SFR1: variants seen among roughly 807,000 people sequenced by gnomAD.
The protein encoded by SFR1 is swi5-dependent recombination DNA repair protein 1 homolog.
In SFR1, 24 loss-of-function variants were observed where a neutral mutation model predicts 26.2. The observed-to-expected ratio is 0.92, with a 90% confidence interval of 0.66 to 1.29. The LOEUF (loss-of-function observed/expected upper bound fraction) is 1.29. Among genes scored for constraint, SFR1 ranks in the 50% most tolerant of loss-of-function variants. SFR1 has a pLI of 0.00. For missense variants in SFR1, 276 were observed against 270.2 expected (o/e 1.02, Z -0.15); for synonymous variants, 77 against 96.6 (o/e 0.80, Z 1.19).
Position 104,122,816 on chromosome 10 carries a change from A to G in SFR1, c.14-149A>G, listed in dbSNP as rs775739245. The G allele has an allele frequency of 1.1e-5, 17 of 1,530,432 alleles. No homozygotes were observed. In the South Asian group the frequency reaches 1.7e-4, roughly 15 times the overall value. 94.8% of individuals were successfully genotyped at this position (1,530,432 alleles called of 1,614,324 possible). A position where few individuals can be genotyped will look rare whatever the true frequency, so the allele number is the denominator to read the frequency against. ...GGGAAGGTAAATGGAAAACTGCAAA[A>G]AGAGCAAGAATGAATTACAAAGTGA... On this transcript the variant is annotated intron_variant, in intron 1 of 3. Transcript: ENST00000369727.
At chr10:104,121,463 C>G (rs72823941), upstream of SFR1, among the ~76,000 whole-genome samples, 511 of 152,198 alleles carry the variant, frequency 3.4e-3, 3 homozygotes, top group Non-Finnish European at 4.8e-3. Context: ...AAATGTGGAC[C>G]CCAACGCTGG....
intron 3 of SFR1, 114 bp from the exon 4 acceptor site, chr10:104,125,399 T>C (rs1441158094): frequency 9.4e-6 from 7 of 744,788 alleles, no homozygotes; most frequent in Admixed American, 2.9e-5. Context: ...AGAAGTCCCA[T>C]TCATCCCTGT....
At chr10:104,122,073 G>T, upstream of SFR1, 2 of 1,314,318 alleles carry the variant, frequency 1.5e-6, no homozygotes, top group South Asian at 1.3e-5. Flanking sequence ...CGCCTCGCGC[G>T]TCAGGCAATC....
In SFR1 at chr10:104,126,112, G is replaced by A. The variant is rs1388573578; in HGVS notation, c.*408G>A. The A allele has an allele frequency of 6.5e-6, 1 of 152,722 alleles. No individual in the cohort carries two copies. Among genetic ancestry groups the A allele is most frequent in the Non-Finnish European group, 1.5e-5 (1 of 68,194 alleles). 9.5% of individuals were successfully genotyped at this position (152,722 alleles called of 1,614,324 possible). Reference sequence around the variant, plus strand: ...TAAATTATAAACTAAGTTCTAAAAGGAAAATTAGTATTTTGGATAGATTTG... The same window carrying A: ...TAAATTATAAACTAAGTTCTAAAAGAAAAATTAGTATTTTGGATAGATTTG... On this transcript the variant is annotated 3_prime_UTR_variant, in exon 4 of 4. Transcript: ENST00000369727.
intron 1 of SFR1, 183 bp from the exon 2 acceptor site, chr10:104,122,782 T>A: frequency 6.6e-7 from 1 of 1,509,178 alleles, no homozygotes; most frequent in African/African-American, 1.4e-5. Context: ...AACTTAGTGG[T>A]CCCTATGTGG....
chr10:104,124,165 A>G, intron 3 of SFR1, 41 bp downstream of exon 3: 1 of 1,434,668 alleles, frequency 7.0e-7, no homozygotes, highest in African/African-American at 1.5e-5. Context: ...TTTTATTTTT[A>G]CATAAATTAC....
In SFR1 at chr10:104,122,998, G is replaced by A; in HGVS notation, c.47G>A (p.Ser16Asn). The A allele has an allele frequency of 6.2e-7, 1 of 1,613,886 alleles. No individual in the cohort carries two copies. The highest frequency in any genetic ancestry group is 8.5e-7 in the Non-Finnish European group (1 of 1,179,918). Residue 16 changes from serine (S) to asparagine (N), a missense_variant, in exon 2 of 4, where the codon AGT becomes AAT. Ser to Asn is a conservative substitution (Grantham distance 46, BLOSUM62 1). Transcript: ENST00000369727. ...CAAGATTTCACTTTCAAGATGGAAAGTCCGTCAGACTCAGCTGTGGTTTTA... is the reference window on the plus strand; with the variant it reads ...CAAGATTTCACTTTCAAGATGGAAAATCCGTCAGACTCAGCTGTGGTTTTA... ...KNQDFTFKMESPSDSAVVLPS... is the reference protein window; with the variant it reads ...KNQDFTFKMENPSDSAVVLPS...
rs2087019379 is a variant in SFR1, at chr10:104,125,674, C to G, written c.708C>G (p.Asn236Lys). Residue 236 changes from asparagine (N) to lysine (K), a missense_variant, in exon 4 of 4, where the codon AAC becomes AAG. Physicochemically the swap from Asn to Lys is moderately conservative, Grantham distance 94 (BLOSUM62 0). Transcript: ENST00000369727. Reference protein sequence around the residue: ...YGLDDKLLHYNRSEEEFIDV With the variant: ...YGLDDKLLHYKRSEEEFIDV The stretch of plus-strand genomic sequence containing the variant: ...TAGATGATAAATTACTACACTATAA[C>G]AGAAGTGAAGAAGAATTTATAGATG... 1.2e-6 allele frequency: 2 copies of G among 1,600,954 alleles called. No individual in the cohort carries two copies. The highest frequency in any genetic ancestry group is 2.7e-5 in the African/African-American group (2 of 74,284).
chr10:104,124,903 C>G (rs976507797), intron 3 of SFR1, among the ~76,000 whole-genome samples: 1 of 152,120 alleles, frequency 6.6e-6, no homozygotes, highest in African/African-American at 2.4e-5. Flanking sequence ...CTCAAGTGAT[C>G]CTCCCAACTC....
rs748493061 is a variant in SFR1 at position 104,124,023 on chromosome 10, A to C, written c.445A>C (p.Lys149Gln). 6 of 1,613,902 alleles carry C rather than the reference A, an allele frequency of 3.7e-6. No homozygotes were observed. In the East Asian group the frequency reaches 1.1e-4, roughly 30 times the overall value. Residue 149 changes from lysine to glutamine, a missense_variant, in exon 3 of 4, where the codon AAA (lysine) becomes CAA (glutamine). By Grantham distance (53) the Lys-to-Gln change is moderately conservative. Transcript: ENST00000369727. ...TGAGTTTGTGAGTGAGAAGCTTCCT[A>C]AACAAAGATTAAACGCTGAAAAAGC... ...QNEFVSEKLP[K>Q]QRLNAEKAKL...
chr10:104,121,717 G>C (rs1164261802), upstream of SFR1, among the ~76,000 whole-genome samples: 1 of 152,202 alleles, frequency 6.6e-6, no homozygotes, highest in Non-Finnish European at 1.5e-5. Flanking sequence ...GGTGGGGAGA[G>C]GCACTTTCAG....
chr10:104,121,914 G>A, upstream of SFR1: 1 of 423,092 alleles, frequency 2.4e-6, no homozygotes, highest in Non-Finnish European at 4.3e-6. Context: ...CGCTGCTCTC[G>A]GGCGCTGGGC....
upstream of SFR1, among the ~76,000 whole-genome samples, chr10:104,121,111 G>C (rs1018629222): frequency 6.6e-6 from 1 of 151,816 alleles, no homozygotes; most frequent in Admixed American, 6.6e-5. Context: ...CGGGGCGCGG[G>C]GGGGGGATTT....
rs542637522 is a variant in SFR1 at position 104,122,220 on chromosome 10, G to GA, written c.13+25dup. On this transcript the variant is annotated intron_variant, in intron 1 of 3. Transcript: ENST00000369727. Reference sequence around the variant, plus strand: ...AGGTACCCTGCTGAGGGGAAGGGGGGATCCCTGACACCTGGGCTTCCCCGG... The same window carrying GA: ...AGGTACCCTGCTGAGGGGAAGGGGGGAATCCCTGACACCTGGGCTTCCCCGG... 1.6e-4 allele frequency: 245 copies of GA among 1,535,322 alleles called. 2 individuals are homozygous for GA. The African/African-American group carries it at 3.1e-3, about 19-fold the overall frequency.
chr10:104,125,372 CCTA>C, intron 3 of SFR1, 138 bp from the exon 4 acceptor site: 4 of 627,404 alleles, frequency 6.4e-6, no homozygotes, highest in Non-Finnish European at 1.1e-5. Flanking sequence ...ATATGACCAT[CCTA>C]CTTTTTCCTA....
intron 3 of SFR1, among the ~76,000 whole-genome samples, chr10:104,124,858 G>A (rs1226436238): frequency 6.6e-6 from 1 of 152,112 alleles, no homozygotes; most frequent in East Asian, 1.9e-4. Context: ...GGGCAGTGGT[G>A]CAGTCATAGC....
Position 104,124,077 on chromosome 10 carries a change from G to A in SFR1, c.499G>A (p.Glu167Lys), listed in dbSNP as rs1434842970. The A allele has an allele frequency of 6.2e-7, 1 of 1,613,426 alleles. No homozygotes were observed. The highest frequency in any genetic ancestry group is 1.7e-5 in the Admixed American group (1 of 59,858). ...ATTGGTGAAGCAGGTTCAGGAGAAA[G>A]AAGACCTTCTTCGGAGGCTAAAACT... is the stretch of plus-strand genomic sequence containing the variant. ...AKLVKQVQEK[E>K]DLLRRLKLVK... The change falls in exon 3 of 4, where the codon GAA becomes AAA. Residue 167 changes from glutamate to lysine, a missense_variant. Physicochemically the swap from Glu to Lys is moderately conservative, Grantham distance 56 (BLOSUM62 1). Transcript: ENST00000369727.
chr10:104,124,695 G>C (rs1011321971), intron 3 of SFR1, among the ~76,000 whole-genome samples: 1 of 151,908 alleles, frequency 6.6e-6, no homozygotes, highest in Non-Finnish European at 1.5e-5. Flanking sequence ...GAATTACGTG[G>C]AATAAGTGAT....
chr10:104,123,329 T>G, intron 2 of SFR1: 1 of 448,848 alleles, frequency 2.2e-6, no homozygotes, highest in Non-Finnish European at 3.9e-6. Context: ...ATTACAATAC[T>G]CCAGATGGAG....
Sources: allele counts gnomAD v4.1 joint callset (sites outside exome capture counted in the v4.1 genomes callset), GRCh38; gene constraint gnomAD v4.1.1; transcripts MANE v1.5; gene names NCBI Gene and HGNC (gene_info 2026-07-23, HGNC 2026-07-21).